The following GDF2 variants were observed in gnomAD, a reference collection of about 807,000 sequenced individuals.
GDF2 encodes growth/differentiation factor 2.
In GDF2, 17 loss-of-function variants were observed where a neutral mutation model predicts 16.9. The ratio of observed to expected loss-of-function variants is 1.00; its 90% CI spans 0.69 to 1.51. The LOEUF is 1.51. GDF2 is among the 40% of genes most tolerant of loss of function. The pLI is 0.00. For synonymous variants in GDF2, 276 were observed against 237.6 expected (o/e 1.16, Z -1.49); for missense variants, 523 against 556.3 (o/e 0.94, Z 0.60).
intron 1 of GDF2, among the ~76,000 whole-genome samples, chr10:47,323,613 A>G (rs1453965955): frequency 6.6e-6 from 1 of 152,276 alleles, no homozygotes; most frequent in Non-Finnish European, 1.5e-5. Flanking sequence ...TATCTGATTT[A>G]GAAGGACTAG....
chr10:47,325,097 C>G lies in GDF2; in HGVS notation c.603C>G (p.Gly201=), dbSNP rs782796767. Residue 201 remains glycine, a synonymous_variant, in exon 2 of 2, where the codon GGC becomes GGG. Transcript: ENST00000581492. ...TGTCCCAGGACATTCAGGATGAGGG[C>G]TGGGAGACCTTGGAAGTGTCCAGCG... The part of the protein sequence containing the change: ...FLVSQDIQDE[G]WETLEVSSAV... The G allele has an allele frequency of 1.9e-6, 3 of 1,614,066 alleles. No homozygotes were observed. Among genetic ancestry groups the G allele is most frequent in the South Asian group, 2.2e-5 (2 of 91,084 alleles).
At chr10:47,323,382 C>T (rs1555208767) in intron 1 of GDF2, among the ~76,000 whole-genome samples, 1 of 152,146 alleles carries the variant, frequency 6.6e-6, no homozygotes, top group Non-Finnish European at 1.5e-5. Context: ...TTCTTTGCAT[C>T]ACTCCCCTCT....
intron 1 of GDF2, among the ~76,000 whole-genome samples, chr10:47,323,523 T>C (rs368611340): frequency 6.6e-6 from 1 of 152,234 alleles, no homozygotes; most frequent in African/African-American, 2.4e-5. Context: ...TCCTTTCTTA[T>C]GAAACGGTTT....
At chr10:47,323,881 C>A (rs1555208795) in intron 1 of GDF2, among the ~76,000 whole-genome samples, 1 of 152,216 alleles carries the variant, frequency 6.6e-6, no homozygotes, top group African/African-American at 2.4e-5. Flanking sequence ...CTTCCTGGGT[C>A]TGAGACTTGC....
chr10:47,324,768 C>A, intron 1 of GDF2, 73 bp from the exon 2 acceptor site: 1 of 1,044,034 alleles, frequency 9.6e-7, no homozygotes, highest in Non-Finnish European at 1.5e-6. Flanking sequence ...TCTGTCTAAA[C>A]CCTGAGACTC....
At position 47,325,198 on chromosome 10, in the gene GDF2, A is replaced by C; in HGVS notation, c.704A>C (p.Lys235Thr). ...KLEVTVESHR[K>T]GCDTLDISVP... ...GAAGTGACTGTGGAGAGCCACAGGAAGGGCTGCGACACGCTGGACATCAGT... is the reference window on the plus strand; with the variant it reads ...GAAGTGACTGTGGAGAGCCACAGGACGGGCTGCGACACGCTGGACATCAGT... The change falls in exon 2 of 2, where the codon AAG (lysine) becomes ACG (threonine). Residue 235 changes from lysine to threonine, a missense_variant. Coordinates refer to ENST00000581492, the MANE Select transcript of GDF2 (RefSeq NM_016204.4). 3 of 1,614,024 alleles carry C rather than the reference A, an allele frequency of 1.9e-6. No individual in the cohort carries two copies. Among genetic ancestry groups the C allele is most frequent in the Non-Finnish European group, 2.5e-6 (3 of 1,180,008 alleles).
intron 1 of GDF2, among the ~76,000 whole-genome samples, chr10:47,324,382 C>A (rs1182641565): frequency 6.6e-6 from 1 of 152,210 alleles, no homozygotes; most frequent in Non-Finnish European, 1.5e-5. Flanking sequence ...CACTCAGGAT[C>A]TGACAGTGAG....
rs74337054 is a variant in GDF2 at position 47,327,351 on chromosome 10, G to A, written c.*1567G>A. Among the ~76,000 whole-genome samples the A allele has an allele frequency of 5.2e-3, 784 of 152,216 alleles. 8 individuals carry two copies. The highest frequency in any genetic ancestry group is 0.018 in the African/African-American group (737 of 41,528). ...TTATTTAAGAAAAAGTGGGGGGTGG[G>A]GAAAACGTTATGTTAAATGTTTACA... On this transcript the variant is annotated 3_prime_UTR_variant, in exon 2 of 2. Transcript: ENST00000581492.
chr10:47,322,673 G>A lies in GDF2; in HGVS notation c.5G>A (p.Cys2Tyr). Reference protein sequence around the residue: MCPGALWVALPL... With the variant: MYPGALWVALPL... The stretch of plus-strand genomic sequence containing the variant: ...GGGTGATTGCGCGGGCCTAAGATGT[G>A]TCCTGGGGCACTGTGGGTGGCCCTG... The change falls in exon 1 of 2, where the codon TGT (cysteine) becomes TAT (tyrosine). Residue 2 changes from cysteine to tyrosine, a missense_variant. Coordinates refer to ENST00000581492, the MANE Select transcript of GDF2 (RefSeq NM_016204.4). The A allele has an allele frequency of 6.4e-7, 1 of 1,550,902 alleles. No homozygotes were observed. Among genetic ancestry groups the A allele is most frequent in the Non-Finnish European group, 8.7e-7 (1 of 1,143,774 alleles).
rs781908688 is a variant in GDF2, at chr10:47,325,620, G to A, written c.1126G>A (p.Val376Met). Residue 376 changes from valine to methionine, a missense_variant, in exon 2 of 2, where the codon GTG (valine) becomes ATG (methionine). Coordinates refer to ENST00000581492, the MANE Select transcript of GDF2 (RefSeq NM_016204.4). ...TGTGACGCCGACGAAACACGCTATCGTGCAGACCCTGGTGCATCTCAAGTT... is the reference window on the plus strand; with the variant it reads ...TGTGACGCCGACGAAACACGCTATCATGCAGACCCTGGTGCATCTCAAGTT... ...DDVTPTKHAIVQTLVHLKFPT... is the reference protein window; with the variant it reads ...DDVTPTKHAIMQTLVHLKFPT... The A allele has an allele frequency of 1.2e-5, 19 of 1,613,982 alleles. No homozygotes were observed. Among genetic ancestry groups the A allele is most frequent in the Admixed American group, 5.0e-5 (3 of 60,018 alleles).
chr10:47,322,482 G>A lies in GDF2; in HGVS notation c.-187G>A. The A allele has an allele frequency of 1.9e-6, 1 of 518,792 alleles. No homozygotes were observed. The highest frequency in any genetic ancestry group is 2.9e-5 in the East Asian group (1 of 34,162). 32.1% of individuals were successfully genotyped at this position (518,792 alleles called of 1,614,324 possible). On this transcript the variant is annotated 5_prime_UTR_variant, in exon 1 of 2. Transcript: ENST00000581492. The stretch of plus-strand genomic sequence containing the variant: ...TAAGACGTCGGAGCGCGGCATCGAG[G>A]ACCAGATAAGCACAAGTGGAGGACA...
chr10:47,324,759 C>A, intron 1 of GDF2, 82 bp from the exon 2 acceptor site: 1 of 928,332 alleles, frequency 1.1e-6, no homozygotes, highest in Non-Finnish European at 1.7e-6. Context: ...AGATGCTCTT[C>A]TGTCTAAACC....
At position 47,325,679 on chromosome 10, in the gene GDF2, C is replaced by T. The variant is rs555324672; in HGVS notation, c.1185C>T (p.Pro395=). 25 of 1,609,720 alleles carry T rather than the reference C, an allele frequency of 1.6e-5. No homozygotes were observed. The highest frequency in any genetic ancestry group is 1.3e-5 in the Non-Finnish European group (15 of 1,177,086). The change falls in exon 2 of 2, where the codon CCC becomes CCT. Residue 395 remains proline, a synonymous_variant. Transcript: ENST00000581492. ...AGGTGGGCAAGGCCTGCTGTGTGCC[C>T]ACCAAACTGAGCCCCATCTCCGTCC... is the stretch of plus-strand genomic sequence containing the variant. The part of the protein sequence containing the change: ...PTKVGKACCV[P]TKLSPISVLY...
rs200095979 is a variant in GDF2, at chr10:47,325,107, T to G, written c.613T>G (p.Leu205Val). 5 of 1,613,986 alleles carry G rather than the reference T, an allele frequency of 3.1e-6. No individual in the cohort carries two copies. In the East Asian group the frequency reaches 1.1e-4, roughly 36 times the overall value. The change falls in exon 2 of 2, where the codon TTG becomes GTG. Residue 205 changes from leucine (L) to valine (V), a missense_variant. Coordinates refer to ENST00000581492, the MANE Select transcript of GDF2 (RefSeq NM_016204.4). ...CATTCAGGATGAGGGCTGGGAGACC[T>G]TGGAAGTGTCCAGCGCCGTGAAGCG... Reference protein sequence around the residue: ...QDIQDEGWETLEVSSAVKRWV... With the variant: ...QDIQDEGWETVEVSSAVKRWV...
intron 1 of GDF2, among the ~76,000 whole-genome samples, chr10:47,323,397 C>T (rs1183851971): frequency 6.6e-6 from 1 of 152,160 alleles, no homozygotes; most frequent in Admixed American, 6.5e-5. Context: ...CCCTCTGATT[C>T]ACTTCTCTTC....
At position 47,322,758 on chromosome 10, in the gene GDF2, A is replaced by C; in HGVS notation, c.90A>C (p.Arg30=). The C allele has an allele frequency of 6.2e-7, 1 of 1,612,030 alleles. No individual in the cohort carries two copies. The highest frequency in any genetic ancestry group is 2.2e-5 in the East Asian group (1 of 44,800). Residue 30 remains arginine, a synonymous_variant, in exon 1 of 2, where the codon CGA becomes CGC. Coordinates refer to ENST00000581492, the MANE Select transcript of GDF2 (RefSeq NM_016204.4). Reference sequence around the variant, plus strand: ...GGAAGCCACTGCAGAGCTGGGGACGAGGGTCTGCTGGGGGAAACGCCCACA... The same window carrying C: ...GGAAGCCACTGCAGAGCTGGGGACGCGGGTCTGCTGGGGGAAACGCCCACA... ...LQGKPLQSWG[R]GSAGGNAHSP...
Position 47,325,343 on chromosome 10 carries a change from G to T in GDF2, c.849G>T (p.Val283=), listed in dbSNP as rs562874497. The part of the protein sequence containing the change: ...REMISHEQES[V]LKKLSKDGST... Reference sequence around the variant, plus strand: ...TGATCAGCCATGAACAAGAGAGCGTGCTCAAGAAGCTGTCCAAGGACGGCT... The same window carrying T: ...TGATCAGCCATGAACAAGAGAGCGTTCTCAAGAAGCTGTCCAAGGACGGCT... The change falls in exon 2 of 2, where the codon GTG becomes GTT. Residue 283 remains valine, a synonymous_variant. Coordinates refer to ENST00000581492, the MANE Select transcript of GDF2 (RefSeq NM_016204.4). The T allele has an allele frequency of 1.2e-6, 2 of 1,614,220 alleles. No homozygotes were observed. Among genetic ancestry groups the T allele is most frequent in the South Asian group, 2.2e-5 (2 of 91,084 alleles).
In GDF2 at chr10:47,324,971, C is replaced by G. The variant is rs564273229; in HGVS notation, c.477C>G (p.His159Gln). 1 of 1,614,128 alleles carries G rather than the reference C, an allele frequency of 6.2e-7. No homozygotes were observed. Among genetic ancestry groups the G allele is most frequent in the Non-Finnish European group, 8.5e-7 (1 of 1,180,012 alleles). The change falls in exon 2 of 2, where the codon CAC (histidine) becomes CAG (glutamine). Residue 159 changes from histidine to glutamine, a missense_variant. By Grantham distance (24) the His-to-Gln change is conservative. Coordinates refer to ENST00000581492, the MANE Select transcript of GDF2 (RefSeq NM_016204.4). The part of the protein sequence containing the change: ...ELRLYVSCQN[H>Q]VDPSHDLKGS... ...GACTCTATGTCTCCTGTCAAAATCA[C>G]GTGGACCCCTCTCATGACCTGAAAG...
Position 47,325,760 on chromosome 10 carries a change from C to T in GDF2, c.1266C>T (p.Ser422=), listed in dbSNP as rs782465391. Residue 422 remains serine (S), a synonymous_variant, in exon 2 of 2, where the codon AGC becomes AGT. Coordinates refer to ENST00000581492, the MANE Select transcript of GDF2 (RefSeq NM_016204.4). ...PTLKYHYEGM[S]VAECGCR ...TCAAGTACCATTACGAGGGCATGAG[C>T]GTGGCAGAGTGTGGGTGCAGGTAGT... The T allele has an allele frequency of 1.1e-5, 17 of 1,551,202 alleles. No individual in the cohort carries two copies. In the South Asian group the frequency reaches 1.1e-4, roughly 10 times the overall value.
Sources: gnomAD v4.1 joint callset for allele counts (sites outside exome capture counted in the v4.1 genomes callset) on GRCh38, gnomAD v4.1.1 for gene constraint, MANE v1.5 for transcripts, NCBI Gene and HGNC (gene_info 2026-07-23, HGNC 2026-07-21) for gene names.